RAB15: variants seen among roughly 807,000 people sequenced by gnomAD.
RAB15 encodes the protein ras-related protein Rab-15.
RAB15 carries 13 observed loss-of-function variants against 31.8 expected under a neutral mutation model. The observed-to-expected ratio is 0.41, with a 90% CI of 0.27 to 0.65. The LOEUF (loss-of-function observed/expected upper bound fraction) is 0.65, where lower values mean the gene tolerates loss of function less well. Ranked by LOEUF, RAB15 falls within the 30% of genes least tolerant of loss-of-function variation. The pLI, the probability that RAB15 is intolerant of heterozygous loss-of-function variation, is 0.32. For missense variants in RAB15, 220 were observed against 277.3 expected, an observed-to-expected ratio of 0.79 and a Z score of 1.47; for synonymous variants, 100 against 105.6, an observed-to-expected ratio of 0.95 and a Z score of 0.33.
At position 64,951,436 on chromosome 14, in the gene RAB15, T is replaced by C. The variant is rs1052177196; in HGVS notation, c.246+167A>G. 3.3e-5 allele frequency among the ~76,000 whole-genome samples: 5 copies of C among 152,144 alleles called. No homozygotes were observed. The highest frequency in any genetic ancestry group is 1.9e-4 in the East Asian group (1 of 5,170). ...GGGCCTGCCTGCAGTGAGTGGGCCA[T>C]GAACAATGGACGGACAAATGATCAG... is the stretch of plus-strand genomic sequence containing the variant. On this transcript the variant is annotated intron_variant, in intron 3 of 6. Transcript: ENST00000533601. The surrounding 1 kb of genome is among the most constrained non-coding windows in gnomAD (Gnocchi z 7.2).
chr14:64,950,963 C>A lies in RAB15; in HGVS notation c.324+111G>T, dbSNP rs983098362. 2 of 1,613,304 alleles carry A rather than the reference C, an allele frequency of 1.2e-6. No homozygotes were observed. Among genetic ancestry groups the A allele is most frequent in the Admixed American group, 3.3e-5 (2 of 59,962 alleles). On this transcript the variant is annotated intron_variant, in intron 4 of 6. Coordinates refer to ENST00000533601, the MANE Select transcript of RAB15 (RefSeq NM_001308154.2). This position sits in a 1 kb window ranked among gnomAD's most constrained non-coding sequence, Gnocchi z 5.6. ...CTCACCCAGAGGTCTTCATCCAGGG[C>A]TGTGGAAGGCAAAGCTTCCTGGAAG... is the stretch of plus-strand genomic sequence containing the variant.
At position 64,962,779 on chromosome 14, in the gene RAB15, C is replaced by G. The variant is rs913645887; in HGVS notation, c.124+9174G>C. Among the ~76,000 whole-genome samples, 1 of 152,182 alleles carries G rather than the reference C, an allele frequency of 6.6e-6. No individual in the cohort carries two copies. The highest frequency in any genetic ancestry group is 2.4e-5 in the African/African-American group (1 of 41,440). Reference sequence around the variant, plus strand: ...CAAAAGGGGAACTGCAGCAAGACCCCTCCCTTCTCTCAGGTCTTGTGTGGA... The same window carrying G: ...CAAAAGGGGAACTGCAGCAAGACCCGTCCCTTCTCTCAGGTCTTGTGTGGA... On this transcript the variant is annotated intron_variant, in intron 1 of 6. Coordinates refer to ENST00000533601, the MANE Select transcript of RAB15 (RefSeq NM_001308154.2). The surrounding 1 kb of genome is among the most constrained non-coding windows in gnomAD (Gnocchi z 4.2).
In RAB15 at chr14:64,972,035, G is replaced by C. The variant is rs774084170; in HGVS notation, c.42C>G (p.Ile14Met). The C allele has an allele frequency of 6.2e-7, 1 of 1,610,784 alleles. No homozygotes were observed. Among genetic ancestry groups the C allele is most frequent in the Non-Finnish European group, 8.5e-7 (1 of 1,178,734 alleles). ...AGGTCTTGCCCACCCCGGAGTCCCC[G>C]ATCAGCAGCAGCCGGAACAGCACAT... ...QYDVLFRLLL[I>M]GDSGVGKTCL... The change falls in exon 1 of 7, where the codon ATC (isoleucine) becomes ATG (methionine). Residue 14 changes from isoleucine (I) to methionine (M), a missense_variant. Physicochemically the swap from Ile to Met is conservative, Grantham distance 10. Coordinates refer to ENST00000533601, the MANE Select transcript of RAB15 (RefSeq NM_001308154.2). This position sits in a 1 kb window ranked among gnomAD's most constrained non-coding sequence, Gnocchi z 6.3.
In RAB15 at chr14:64,954,616, A is replaced by G. The variant is rs1886439972; in HGVS notation, c.125-2045T>C. The G allele has an allele frequency of 2.6e-6, 2 of 777,212 alleles. No individual in the cohort carries two copies. The highest frequency in any genetic ancestry group is 3.8e-5 in the African/African-American group (2 of 52,946). The allele number at this position is 777,212 out of a possible 1,614,324, so 48.1% of individuals were successfully genotyped here. A position where few individuals can be genotyped will look rare whatever the true frequency, so the allele number is the denominator to read the frequency against. On this transcript the variant is annotated intron_variant, in intron 1 of 6. Coordinates refer to ENST00000533601, the MANE Select transcript of RAB15 (RefSeq NM_001308154.2). The surrounding 1 kb of genome is among the most constrained non-coding windows in gnomAD (Gnocchi z 4.3). ...GTGCAGACAGAGCAGTGAAAAAGAC[A>G]TGGCCCCTGCCCTCAGAGAGCCTAG...
chr14:64,956,677 CA>C (rs1187725845), intron 1 of RAB15, among the ~76,000 whole-genome samples: 1 of 152,170 alleles, frequency 6.6e-6, no homozygotes, highest in East Asian at 1.9e-4. Context: ...GCTTTAGAAT[CA>C]CCTGGGGTGA....
chr14:64,950,777 T>C lies in RAB15; in HGVS notation c.324+297A>G. 1.6e-6 allele frequency: 1 copy of C among 615,460 alleles called. No homozygotes were observed. Among genetic ancestry groups the C allele is most frequent in the South Asian group, 2.0e-5 (1 of 51,168 alleles). The allele number at this position is 615,460 out of a possible 1,614,324, so 38.1% of individuals were successfully genotyped here. ...GCTATTGTGCAGAGCCAGGACTAGA[T>C]CCCAATCTTGCAACTCCACCTGGTC... On this transcript the variant is annotated intron_variant, in intron 4 of 6. Coordinates refer to ENST00000533601, the MANE Select transcript of RAB15 (RefSeq NM_001308154.2). The surrounding 1 kb of genome is among the most constrained non-coding windows in gnomAD (Gnocchi z 5.6).
chr14:64,953,455 T>G lies in RAB15; in HGVS notation c.125-884A>C, dbSNP rs1886374952. The stretch of plus-strand genomic sequence containing the variant: ...TATGAGTGACTGTCATAGGACCAGA[T>G]GAAGAGGCAGTGGCATGGCATGGCA... On this transcript the variant is annotated intron_variant, in intron 1 of 6. Transcript: ENST00000533601. The surrounding 1 kb of genome is among the most constrained non-coding windows in gnomAD (Gnocchi z 4.6). Among the ~76,000 whole-genome samples, 3 of 151,826 alleles carry G rather than the reference T, an allele frequency of 2.0e-5. No individual in the cohort carries two copies. The highest frequency in any genetic ancestry group is 4.4e-5 in the Non-Finnish European group (3 of 67,982).
intron 1 of RAB15, among the ~76,000 whole-genome samples, chr14:64,956,238 T>C (rs1340101267): frequency 6.6e-6 from 1 of 151,868 alleles, no homozygotes; most frequent in East Asian, 1.9e-4. Context: ...CCCCCGTCTC[T>C]ACTAAAAATA....
rs1887434324 is a variant in RAB15, at chr14:64,971,811, G to A, written c.124+142C>T. The A allele has an allele frequency of 1.3e-6, 1 of 789,194 alleles. No individual in the cohort carries two copies. The highest frequency in any genetic ancestry group is 1.7e-5 in the South Asian group (1 of 57,810). The allele number at this position is 789,194 out of a possible 1,614,324, so 48.9% of individuals were successfully genotyped here. ...ACCTGCCAAAACCTATGCTCACCCC[G>A]AGATTTATCCCGGACTCCGGCCTCC... is the stretch of plus-strand genomic sequence containing the variant. On this transcript the variant is annotated intron_variant, in intron 1 of 6. Transcript: ENST00000533601. This position sits in a 1 kb window ranked among gnomAD's most constrained non-coding sequence, Gnocchi z 4.1.
rs1291003944 is a variant in RAB15, at chr14:64,955,222, G to A, written c.125-2651C>T. On this transcript the variant is annotated intron_variant, in intron 1 of 6. Coordinates refer to ENST00000533601, the MANE Select transcript of RAB15 (RefSeq NM_001308154.2). This position sits in a 1 kb window ranked among gnomAD's most constrained non-coding sequence, Gnocchi z 4.4. ...CAGAGTAAGTCTATGTCTTCTGAAG[G>A]ATTTTCCTTCCTCCCTCCCCGCCCA... Among the ~76,000 whole-genome samples, 2 of 152,078 alleles carry A rather than the reference G, an allele frequency of 1.3e-5. No homozygotes were observed. Among genetic ancestry groups the A allele is most frequent in the African/African-American group, 4.8e-5 (2 of 41,392 alleles).
Position 64,953,973 on chromosome 14 carries a change from G to A in RAB15, c.125-1402C>T. 1 of 985,416 alleles carries A rather than the reference G, an allele frequency of 1.0e-6. No homozygotes were observed. Among genetic ancestry groups the A allele is most frequent in the Non-Finnish European group, 1.2e-6 (1 of 829,938 alleles). 61.0% of individuals were successfully genotyped at this position (985,416 alleles called of 1,614,324 possible). ...TCCGCATCAGTTATTTGCCAAATGG[G>A]AGACATCTTCCCTTATCTGTGCTGT... On this transcript the variant is annotated intron_variant, in intron 1 of 6. Transcript: ENST00000533601. This position sits in a 1 kb window ranked among gnomAD's most constrained non-coding sequence, Gnocchi z 4.6.
chr14:64,965,276 G>A (rs1365527689), intron 1 of RAB15, among the ~76,000 whole-genome samples: 3 of 151,920 alleles, frequency 2.0e-5, no homozygotes, highest in African/African-American at 4.8e-5. Context: ...TGGCCAACAT[G>A]GTGAAACCCC....
At chr14:64,969,206 T>A (rs1887297282) in intron 1 of RAB15, among the ~76,000 whole-genome samples, 1 of 152,160 alleles carries the variant, frequency 6.6e-6, no homozygotes, top group Non-Finnish European at 1.5e-5. Flanking sequence ...CATCTTGGAA[T>A]CTCTCGGTCT....
In RAB15 at chr14:64,948,446, G is replaced by A. The variant is rs750200493; in HGVS notation, c.547C>T (p.Arg183Cys). Residue 183 changes from arginine (R) to cysteine (C), a missense_variant, in exon 7 of 7, where the codon CGT becomes TGT. Transcript: ENST00000533601. The surrounding 1 kb of genome is among the most constrained non-coding windows in gnomAD (Gnocchi z 7.0). ...HRKELEGLRMRASNELALAEL... is the reference protein window; with the variant it reads ...HRKELEGLRMCASNELALAEL... ...GCCAGTGCCAACTCATTGCTGGCACGCATCCGGAGGCCTTCCAGCTCCTTC... is the reference window on the plus strand; with the variant it reads ...GCCAGTGCCAACTCATTGCTGGCACACATCCGGAGGCCTTCCAGCTCCTTC... 16 of 1,613,538 alleles carry A rather than the reference G, an allele frequency of 9.9e-6. No homozygotes were observed. The highest frequency in any genetic ancestry group is 5.3e-5 in the African/African-American group (4 of 74,902).
rs1886236645 is a variant in RAB15, at chr14:64,951,328, ACT to A, written c.247-179_247-178del. ...TGCCGCCTCCCAGGCCCATCACAGA[ACT>A]CTCTACAGCAGGAAGACACCACATG... On this transcript the variant is annotated intron_variant, in intron 3 of 6. Transcript: ENST00000533601. The surrounding 1 kb of genome is among the most constrained non-coding windows in gnomAD (Gnocchi z 7.2). Among the ~76,000 whole-genome samples the A allele has an allele frequency of 6.6e-6, 1 of 152,054 alleles. No individual in the cohort carries two copies. Among genetic ancestry groups the A allele is most frequent in the African/African-American group, 2.4e-5 (1 of 41,416 alleles).
chr14:64,959,590 A>G (rs947615911), intron 1 of RAB15, among the ~76,000 whole-genome samples: 1 of 152,192 alleles, frequency 6.6e-6, no homozygotes, highest in African/African-American at 2.4e-5. Context: ...AAGGCCAAGC[A>G]CAGTGGCTCA....
rs1295472883 is a variant in RAB15 at position 64,945,942 on chromosome 14, C to T, written c.*2412G>A. 6.5e-6 allele frequency: 1 copy of T among 152,750 alleles called. No homozygotes were observed. Among genetic ancestry groups the T allele is most frequent in the African/African-American group, 2.4e-5 (1 of 41,440 alleles). The allele number at this position is 152,750 out of a possible 1,614,324, so 9.5% of individuals were successfully genotyped here. A position where few individuals can be genotyped will look rare whatever the true frequency, so the allele number is the denominator to read the frequency against. ...CCGTCACAGGGAGATAGTGGAGGCT[C>T]AGGAGCAGGTGGCGTGCCTGGGGCT... is the stretch of plus-strand genomic sequence containing the variant. On this transcript the variant is annotated 3_prime_UTR_variant, in exon 7 of 7. Coordinates refer to ENST00000533601, the MANE Select transcript of RAB15 (RefSeq NM_001308154.2).
Position 64,972,180 on chromosome 14 carries a change from G to A in RAB15, c.-104C>T. The A allele has an allele frequency of 3.0e-6, 3 of 985,416 alleles. No individual in the cohort carries two copies. Among genetic ancestry groups the A allele is most frequent in the Non-Finnish European group, 2.5e-6 (2 of 799,030 alleles). The allele number at this position is 985,416 out of a possible 1,614,324, so 61.0% of individuals were successfully genotyped here. The stretch of plus-strand genomic sequence containing the variant: ...CCCGCCCGGGGACGCTGCGGGCGGC[G>A]AGGAGGACGCCGGGCCCGGCCCCCG... On this transcript the variant is annotated 5_prime_UTR_variant, in exon 1 of 7. Coordinates refer to ENST00000533601, the MANE Select transcript of RAB15 (RefSeq NM_001308154.2). This position sits in a 1 kb window ranked among gnomAD's most constrained non-coding sequence, Gnocchi z 6.3.
chr14:64,963,619 G>T (rs1271637243), intron 1 of RAB15, among the ~76,000 whole-genome samples: 1 of 152,182 alleles, frequency 6.6e-6, no homozygotes, highest in East Asian at 1.9e-4. Context: ...AAACTCAGGA[G>T]CAAACATCTT....
Sources: gnomAD v4.1 joint callset for allele counts (sites outside exome capture counted in the v4.1 genomes callset) on GRCh38, gnomAD v4.1.1 for gene constraint, Gnocchi (gnomAD v3.1) non-coding constraint, MANE v1.5 for transcripts, NCBI Gene and HGNC (gene_info 2026-07-23, HGNC 2026-07-21) for gene names.